The following ADSS1 variants were observed in gnomAD, a reference collection of about 807,000 sequenced individuals.
ADSS1 encodes adenylosuccinate synthase 1, also known as adenylosuccinate synthetase isozyme 1.
ADSS1 carries 57 observed loss-of-function variants against 59.1 expected under a neutral mutation model. The observed-to-expected ratio is 0.97, with a 90% confidence interval of 0.78 to 1.20. The LOEUF (loss-of-function observed/expected upper bound fraction) is 1.20. Ranked by LOEUF, ADSS1 falls within the 50% of genes most tolerant of loss-of-function variation. The probability of loss-of-function intolerance (pLI) is 0.00; values close to 1 mark genes in which losing one functional copy is unlikely to be tolerated. For missense variants in ADSS1, 603 were observed against 610.3 expected, an observed-to-expected ratio of 0.99 and a Z score of 0.13; for synonymous variants, 247 against 249.4, an observed-to-expected ratio of 0.99 and a Z score of 0.09.
chr14:104,743,282 C>T (rs1891440734), intron 10 of ADSS1, 91 bp downstream of exon 10: 3 of 1,541,242 alleles, frequency 1.9e-6, no homozygotes, highest in South Asian at 2.3e-5. Flanking sequence ...GGGCTGAGGG[C>T]CACCAAGTCT....
intron 2 of ADSS1, chr14:104,737,311 A>T (rs1192307074): frequency 6.6e-6 from 1 of 152,116 alleles, no homozygotes; most frequent in Non-Finnish European, 1.5e-5. Flanking sequence ...CCTTTTCCAG[A>T]ATCTCAGAGT....
At chr14:104,731,719 G>A (rs1890937977) in intron 1 of ADSS1, among the ~76,000 whole-genome samples, 1 of 152,224 alleles carries the variant, frequency 6.6e-6, no homozygotes, top group Admixed American at 6.5e-5. Context: ...GCTGTCCCGT[G>A]GCACACACTC....
At chr14:104,743,975 G>A (rs897041600) in intron 10 of ADSS1, among the ~76,000 whole-genome samples, 1 of 151,670 alleles carries the variant, frequency 6.6e-6, no homozygotes, top group Admixed American at 6.6e-5. Flanking sequence ...TGCATCTGGC[G>A]CCCCTTCAGG....
chr14:104,735,829 C>T (rs1891100144), intron 2 of ADSS1, among the ~76,000 whole-genome samples: 1 of 152,228 alleles, frequency 6.6e-6, no homozygotes, highest in Non-Finnish European at 1.5e-5. Context: ...GCACCCTGGC[C>T]TCAGCTCTTA....
intron 10 of ADSS1, chr14:104,743,466 G>T (rs769859571): frequency 9.9e-6 from 4 of 405,828 alleles, no homozygotes; most frequent in East Asian, 4.9e-5. Flanking sequence ...AGGTTAAAAT[G>T]CTTCATGTGG....
chr14:104,746,783 C>G lies in ADSS1; in HGVS notation c.1322-168C>G, dbSNP rs78110568. ...TTTTCCGCTGCGGGAGGATCAGTCC[C>G]CCAACATGCACTACCTTCATAACTT... On this transcript the variant is annotated intron_variant, in intron 12 of 12. Transcript: ENST00000330877. The G allele has an allele frequency of 7.9e-3, 5,412 of 687,002 alleles. 74 individuals are homozygous for G. Among genetic ancestry groups the G allele is most frequent in the African/African-American group, 0.037 (2,061 of 56,004 alleles). 42.6% of individuals were successfully genotyped at this position (687,002 alleles called of 1,614,324 possible).
rs1410794650 is a variant in ADSS1, at chr14:104,746,226, CT to C, written c.1172-8del. On this transcript the variant is annotated splice_polypyrimidine_tract_variant and intron_variant, in intron 11 of 12. Coordinates refer to ENST00000330877, the MANE Select transcript of ADSS1 (RefSeq NM_152328.5). ...GTGGGCCCCACTCATCTCCTGTGTG[CT>C]TCCCCCAGCTAACCAGGAGATGCTT... 1 of 1,602,034 alleles carries C rather than the reference CT, an allele frequency of 6.2e-7. No individual in the cohort carries two copies. The highest frequency in any genetic ancestry group is 1.7e-5 in the Admixed American group (1 of 59,638).
chr14:104,744,422 G>A (rs7149551), intron 10 of ADSS1: 101,583 of 177,934 alleles, frequency 0.57, 31,453 homozygotes, highest in African/African-American at 0.83. Flanking sequence ...AGTTTGGCGG[G>A]AGATGATTTT....
rs929603850 is a variant in ADSS1 at position 104,740,762 on chromosome 14, G to C, written c.584+54G>C. On this transcript the variant is annotated intron_variant, in intron 6 of 12. Coordinates refer to ENST00000330877, the MANE Select transcript of ADSS1 (RefSeq NM_152328.5). The surrounding 1 kb of genome is among the most constrained non-coding windows in gnomAD (Gnocchi z 4.8). ...AGGATGGGGAGAAGTTGCCGGAAGG[G>C]ACTGTGGCTAGTGGGGAGGGCCCTG... The C allele has an allele frequency of 9.9e-6, 16 of 1,612,870 alleles. No homozygotes were observed. In the African/African-American group the frequency reaches 1.9e-4, roughly 19 times the overall value.
chr14:104,746,967 T>G lies in ADSS1; in HGVS notation c.1338T>G (p.Val446=). The G allele has an allele frequency of 1.2e-6, 2 of 1,614,178 alleles. No homozygotes were observed. Among genetic ancestry groups the G allele is most frequent in the South Asian group, 2.2e-5 (2 of 91,084 alleles). Residue 446 remains valine (V), a synonymous_variant, in exon 13 of 13, where the codon GTT becomes GTG. Coordinates refer to ENST00000330877, the MANE Select transcript of ADSS1 (RefSeq NM_152328.5). ...CTCTCTCAGTCAAATGGGTTGGTGTTGGCAAGTCAAGAGAGTCGATGATCC... is the reference window on the plus strand; with the variant it reads ...CTCTCTCAGTCAAATGGGTTGGTGTGGGCAAGTCAAGAGAGTCGATGATCC... ...HVGVAVKWVG[V]GKSRESMIQL... is the part of the protein sequence containing the mutation.
At chr14:104,739,306 C>G in intron 3 of ADSS1, 22 bp from the exon 4 acceptor site, 1 of 1,604,002 alleles carries the variant, frequency 6.2e-7, no homozygotes, top group South Asian at 1.1e-5. Context: ...CACTGACCCA[C>G]CTGTGTGCCG....
Position 104,739,182 on chromosome 14 carries a change from T to G in ADSS1, c.359-146T>G, listed in dbSNP as rs866941642. ...AACGAGGGGCGGGTCTGCCGCTTGC[T>G]GCGCAACAGAGGTGGCCCTGTCAGC... On this transcript the variant is annotated intron_variant, in intron 3 of 12. Coordinates refer to ENST00000330877, the MANE Select transcript of ADSS1 (RefSeq NM_152328.5). The G allele has an allele frequency of 5.1e-5, 39 of 770,952 alleles. No homozygotes were observed. The African/African-American group carries it at 6.4e-4, about 13-fold the overall frequency. 47.8% of individuals were successfully genotyped at this position (770,952 alleles called of 1,614,324 possible).
intron 9 of ADSS1, among the ~76,000 whole-genome samples, chr14:104,742,615 G>C (rs1891406350): frequency 6.6e-6 from 1 of 152,244 alleles, no homozygotes; most frequent in Admixed American, 6.5e-5. Flanking sequence ...CAGGTGCTGG[G>C]AAAGCCAACA....
intron 11 of ADSS1, 131 bp from the exon 12 acceptor site, chr14:104,746,105 T>A: frequency 7.9e-7 from 1 of 1,259,508 alleles, no homozygotes; most frequent in South Asian, 1.5e-5. Flanking sequence ...ACGTGCCCAC[T>A]TGCTGCCTTC....
chr14:104,741,716 C>T, intron 8 of ADSS1, 132 bp from the exon 9 acceptor site: 13 of 1,123,668 alleles, frequency 1.2e-5, no homozygotes, highest in Non-Finnish European at 1.6e-5. Context: ...ACAGGCCAGG[C>T]TGGCGACCCC....
chr14:104,733,507 A>G (rs1165756871), intron 1 of ADSS1, among the ~76,000 whole-genome samples: 1 of 152,142 alleles, frequency 6.6e-6, no homozygotes, highest in Non-Finnish European at 1.5e-5. Context: ...GTGAGGAGCT[A>G]GTGCAGAGGG....
In ADSS1 at chr14:104,746,303, C is replaced by G. The variant is rs771161230; in HGVS notation, c.1239C>G (p.Thr413=). 8.1e-6 allele frequency: 13 copies of G among 1,613,828 alleles called. No homozygotes were observed. Among genetic ancestry groups the G allele is most frequent in the Non-Finnish European group, 9.3e-6 (11 of 1,179,964 alleles). ...YETLPGWKAD[T]TGARRWEDLP... The stretch of plus-strand genomic sequence containing the variant: ...CGCTGCCTGGGTGGAAAGCAGACAC[C>G]ACAGGCGCCAGGAGGTGGGAGGACC... The change falls in exon 12 of 13, where the codon ACC becomes ACG. Residue 413 remains threonine, a synonymous_variant. Transcript: ENST00000330877.
At chr14:104,738,670 C>A (rs1307856941) in intron 3 of ADSS1, among the ~76,000 whole-genome samples, 1 of 152,240 alleles carries the variant, frequency 6.6e-6, no homozygotes, top group Non-Finnish European at 1.5e-5. Context: ...CCAGGTAGCA[C>A]CTGGGAAGTC....
chr14:104,725,814 T>C (rs778619472), intron 1 of ADSS1, among the ~76,000 whole-genome samples: 5 of 152,134 alleles, frequency 3.3e-5, no homozygotes, highest in Admixed American at 6.5e-5. Context: ...TAGACCTCTC[T>C]GCTCCCGTGA....
Sources: gnomAD v4.1 joint callset for allele counts (sites outside exome capture counted in the v4.1 genomes callset) on GRCh38, gnomAD v4.1.1 for gene constraint, Gnocchi (gnomAD v3.1) non-coding constraint, MANE v1.5 for transcripts, NCBI Gene and HGNC (gene_info 2026-07-23, HGNC 2026-07-21) for gene names.